PTK2: variants seen among roughly 807,000 people sequenced by gnomAD.
PTK2 encodes the protein protein tyrosine kinase 2.
Under a neutral mutation model 150.1 loss-of-function variants are expected in PTK2, and 45 were observed. That is an observed-to-expected ratio of 0.30 (90% CI 0.24 to 0.38). The LOEUF (loss-of-function observed/expected upper bound fraction) is 0.38. Among genes scored for constraint, PTK2 ranks in the 10% least tolerant of loss-of-function variants. The pLI, the probability that PTK2 is intolerant of heterozygous loss-of-function variation, is 1.00. For synonymous variants in PTK2, 432 were observed against 449.2 expected (o/e 0.96, Z 0.48); for missense variants, 919 against 1,307.3 (o/e 0.70, Z 4.58).
At chr8:140,665,129 G>A in intron 30 of PTK2, 132 bp from the exon 35 acceptor site, 4 of 763,654 alleles carry the variant, frequency 5.2e-6, no homozygotes, top group Non-Finnish European at 8.3e-6. Flanking sequence ...TCAGTGCTTA[G>A]CCCTATCTTG....
At chr8:140,710,690 C>G (rs149329804) in intron 23 of PTK2, among the ~76,000 whole-genome samples, 5 of 152,114 alleles carry the variant, frequency 3.3e-5, no homozygotes, top group Admixed American at 6.5e-5. Flanking sequence ...AACAAGCCAA[C>G]AACAACAACA....
intron 23 of PTK2, 151 bp from the exon 27 acceptor site, chr8:140,706,356 T>C: frequency 1.7e-6 from 1 of 573,026 alleles, no homozygotes. Context: ...AGAACAGTCT[T>C]TTCAACAAAT....
intron 12 of PTK2, among the ~76,000 whole-genome samples, chr8:140,799,453 T>A (rs532366598): frequency 6.6e-6 from 1 of 152,220 alleles, no homozygotes; most frequent in African/African-American, 2.4e-5. Flanking sequence ...AGAAGGGGTA[T>A]TGGCAAAACC....
At chr8:140,918,118 G>A (rs982397233) in intron 2 of PTK2, among the ~76,000 whole-genome samples, 2 of 152,202 alleles carry the variant, frequency 1.3e-5, no homozygotes, top group South Asian at 2.1e-4. Flanking sequence ...AGGTTAAGTA[G>A]GAGTTGGCTA....
intron 14 of PTK2, chr8:140,770,786 G>T: frequency 7.5e-7 from 1 of 1,333,140 alleles, no homozygotes; most frequent in South Asian, 1.2e-5. Context: ...CTTTATGTTG[G>T]CAGTGACTGA....
intron 12 of PTK2, among the ~76,000 whole-genome samples, chr8:140,797,936 A>G (rs1230031157): frequency 1.3e-5 from 2 of 152,164 alleles, no homozygotes; most frequent in African/African-American, 4.8e-5. Context: ...ATGAGCCACT[A>G]TGACAAGGTA....
chr8:140,721,928 G>A (rs2154300241), intron 22 of PTK2: 1 of 152,290 alleles, frequency 6.6e-6, no homozygotes, highest in South Asian at 2.1e-4. Context: ...AAAAGGCATT[G>A]TAAATATCTG....
chr8:140,735,056 TA>T (rs1209512805), intron 22 of PTK2, 194 bp downstream of exon 25: 4 of 607,770 alleles, frequency 6.6e-6, no homozygotes, highest in Non-Finnish European at 8.6e-6. Context: ...ATTAAAATTT[TA>T]AAGATATAAT....
intron 2 of PTK2, among the ~76,000 whole-genome samples, chr8:140,924,871 T>G (rs2100168876): frequency 6.6e-6 from 1 of 152,148 alleles, no homozygotes. Context: ...ATGAAAATAG[T>G]GTGTGAGATT....
At chr8:140,769,901 T>C (rs1054397250) in intron 14 of PTK2, among the ~76,000 whole-genome samples, 3 of 152,218 alleles carry the variant, frequency 2.0e-5, no homozygotes, top group South Asian at 2.1e-4. Context: ...CAAAGTTAAT[T>C]TGACTGCCTC....
chr8:140,814,806 G>A (rs1349284266), intron 10 of PTK2, among the ~76,000 whole-genome samples: 6 of 146,956 alleles, frequency 4.1e-5, no homozygotes, highest in Non-Finnish European at 7.4e-5. Flanking sequence ...ACGGAGTCTC[G>A]CTCTGTTGCC....
intron 1 of PTK2, among the ~76,000 whole-genome samples, chr8:140,945,402 T>C (rs773304341): frequency 6.6e-6 from 1 of 152,004 alleles, no homozygotes. Flanking sequence ...CTGGGCAGCA[T>C]AGTGAGAGCC....
chr8:140,868,188 G>C (rs2100140447), intron 4 of PTK2, among the ~76,000 whole-genome samples: 1 of 152,150 alleles, frequency 6.6e-6, no homozygotes, highest in Admixed American at 6.5e-5. Flanking sequence ...TTTTTGAAAA[G>C]CTGAGCTAGA....
intron 3 of PTK2, among the ~76,000 whole-genome samples, chr8:140,885,818 G>A (rs2100152048): frequency 6.6e-6 from 1 of 152,154 alleles, no homozygotes; most frequent in African/African-American, 2.4e-5. Context: ...GATGGGACAG[G>A]ATGGGGGAGA....
chr8:140,725,516 A>T (rs1324336716), intron 22 of PTK2, among the ~76,000 whole-genome samples: 1 of 152,232 alleles, frequency 6.6e-6, no homozygotes, highest in Non-Finnish European at 1.5e-5. Context: ...CATTAGTGAG[A>T]AGGCAGGCGC....
At chr8:140,726,006 C>T (rs1194294726) in intron 22 of PTK2, among the ~76,000 whole-genome samples, 4 of 151,514 alleles carry the variant, frequency 2.6e-5, no homozygotes, top group Non-Finnish European at 4.4e-5. Flanking sequence ...ATGGATGAAA[C>T]GATAGGAAAT....
intron 2 of PTK2, among the ~76,000 whole-genome samples, chr8:140,898,586 T>C (rs1402043777): frequency 6.6e-6 from 1 of 152,202 alleles, no homozygotes; most frequent in Non-Finnish European, 1.5e-5. Context: ...AAAGTGTTAC[T>C]AACCTCTGGA....
In PTK2 at chr8:140,692,659, C is replaced by T. The variant is rs189016895; in HGVS notation, c.2500-5965G>A. ...AACAAGCCAAAAAAAAAAAACAGTT[C>T]GGCTTAGCTACAGTCTCTACTTTCA... On this transcript the variant is annotated intron_variant, in intron 26 of 31. Transcript: ENST00000522684. Among the ~76,000 whole-genome samples, 444 of 151,648 alleles carry T rather than the reference C, an allele frequency of 2.9e-3. 4 individuals carry two copies. The highest frequency in any genetic ancestry group is 0.01 in the African/African-American group (428 of 41,364).
At chr8:140,793,944 T>C (rs941241979) in intron 12 of PTK2, among the ~76,000 whole-genome samples, 3 of 152,196 alleles carry the variant, frequency 2.0e-5, no homozygotes, top group African/African-American at 4.8e-5. Flanking sequence ...AGCTCCCTTT[T>C]TGCTGAGCAG....
Sources: gnomAD v4.1 joint callset for allele counts (sites outside exome capture counted in the v4.1 genomes callset) on GRCh38, gnomAD v4.1.1 for gene constraint, MANE v1.5 for transcripts, NCBI Gene and HGNC (gene_info 2026-07-23, HGNC 2026-07-21) for gene names.